OCA2: variants seen among roughly 807,000 people sequenced by gnomAD.
OCA2 encodes P protein.
A neutral mutation model predicts 100.2 loss-of-function variants in OCA2; 77 were observed. That is an observed-to-expected ratio of 0.77 (90% CI 0.64 to 0.93). The LOEUF is 0.93. Ranked by LOEUF, OCA2 falls within the 40% of genes least tolerant of loss-of-function variation. The pLI is 0.00. For missense variants in OCA2, 1,062 were observed against 1,089.1 expected (o/e 0.98, Z 0.35); for synonymous variants, 432 against 439.2 (o/e 0.98, Z 0.21).
At chr15:27,807,337 G>A (rs1186284050) in intron 23 of OCA2, among the ~76,000 whole-genome samples, 1 of 152,140 alleles carries the variant, frequency 6.6e-6, no homozygotes, top group Non-Finnish European at 1.5e-5. Context: ...GCAGCTGGGG[G>A]AGTCTTTGCT....
chr15:27,815,650 AT>A (rs1342345676), intron 23 of OCA2, among the ~76,000 whole-genome samples: 1 of 152,222 alleles, frequency 6.6e-6, no homozygotes, highest in Non-Finnish European at 1.5e-5. Flanking sequence ...CCACCAACAG[AT>A]CGCGTGAAAT....
At chr15:27,847,541 G>A (rs1306114330) in intron 22 of OCA2, among the ~76,000 whole-genome samples, 1 of 152,136 alleles carries the variant, frequency 6.6e-6, no homozygotes, top group Non-Finnish European at 1.5e-5. Context: ...TGGAGAGGAG[G>A]CCAAAGACAG....
At chr15:28,071,145 C>A in intron 2 of OCA2, among the ~76,000 whole-genome samples, 1 of 128,458 alleles carries the variant, frequency 7.8e-6, no homozygotes, top group African/African-American at 3.7e-5. Flanking sequence ...TGAGAAACAC[C>A]CAAGAATTAT....
intron 23 of OCA2, among the ~76,000 whole-genome samples, chr15:27,768,073 G>A (rs1214387445): frequency 6.6e-6 from 1 of 152,120 alleles, no homozygotes; most frequent in African/African-American, 2.4e-5. Context: ...AGGCAGACTT[G>A]CAGCTGTGAC....
chr15:27,961,153 C>A (rs2140755139), intron 15 of OCA2, among the ~76,000 whole-genome samples: 1 of 152,256 alleles, frequency 6.6e-6, no homozygotes, highest in East Asian at 1.9e-4. Context: ...TGAGCAGACA[C>A]TTCTCAAAAG....
intron 19 of OCA2, among the ~76,000 whole-genome samples, chr15:27,924,271 C>T (rs1184219401): frequency 3.9e-5 from 6 of 152,060 alleles, no homozygotes; most frequent in Non-Finnish European, 8.8e-5. Flanking sequence ...CTATGCAGTT[C>T]ATCTGTGTTT....
At chr15:27,719,346 G>A in the OCA2 span, among the ~76,000 whole-genome samples, 7 of 152,192 alleles carry the variant, frequency 4.6e-5, no homozygotes, top group South Asian at 2.1e-4. Context: ...GACACCAGTC[G>A]TATTTAATTA....
At chr15:27,813,308 C>G (rs2034153698) in intron 23 of OCA2, among the ~76,000 whole-genome samples, 1 of 152,098 alleles carries the variant, frequency 6.6e-6, no homozygotes, top group African/African-American at 2.4e-5. Context: ...CAGAGGGCCT[C>G]TCTCCCCTCC....
intron 2 of OCA2, among the ~76,000 whole-genome samples, chr15:28,071,599 C>T (rs1234954527): frequency 3.3e-5 from 5 of 152,146 alleles, no homozygotes; most frequent in African/African-American, 1.2e-4. Context: ...GAATAGAAAA[C>T]TCATAAATAA....
intron 23 of OCA2, among the ~76,000 whole-genome samples, chr15:27,790,159 T>C (rs919435308): frequency 1.3e-5 from 2 of 152,172 alleles, no homozygotes; most frequent in Non-Finnish European, 2.9e-5. Context: ...TAAATACATG[T>C]TCAACATCAT....
chr15:27,802,007 A>G (rs1386409275), intron 23 of OCA2, among the ~76,000 whole-genome samples: 1 of 152,310 alleles, frequency 6.6e-6, no homozygotes, highest in Admixed American at 6.5e-5. Flanking sequence ...AAGTAGTGAC[A>G]TATAGATTAG....
chr15:27,803,531 G>C (rs76163118), intron 23 of OCA2, among the ~76,000 whole-genome samples: 3,344 of 152,242 alleles, frequency 0.022, 107 homozygotes, highest in African/African-American at 0.075. Context: ...ATACCTAGTA[G>C]TCAAGTTCAT....
In OCA2 at chr15:27,910,361, T is replaced by G. The variant is rs958077403; in HGVS notation, c.2079+15766A>C. ...TAGAAATATACCCTGAAGGTACACC[T>G]CTAACAATACAAAAATATTCACCGT... On this transcript the variant is annotated intron_variant, in intron 19 of 23. Coordinates refer to ENST00000354638, the MANE Select transcript of OCA2 (RefSeq NM_000275.3). Among the ~76,000 whole-genome samples, 11 of 152,240 alleles carry G rather than the reference T, an allele frequency of 7.2e-5. No homozygotes were observed. In the South Asian group the frequency reaches 8.3e-4, roughly 11 times the overall value.
chr15:28,018,540 GGCT>G lies in OCA2; in HGVS notation c.661_663del (p.Ser221del), dbSNP rs1214229563. ...ACCTGCAGCAGCGTGGAGTCCACGTGGCTGCTAAGGTTCACGGCTCGGAGAGTG... is the reference window on the plus strand; with the variant it reads ...ACCTGCAGCAGCGTGGAGTCCACGTGGCTAAGGTTCACGGCTCGGAGAGTG... On this transcript the variant is annotated inframe_deletion, in exon 7 of 24. Coordinates refer to ENST00000354638, the MANE Select transcript of OCA2 (RefSeq NM_000275.3). 6.2e-7 allele frequency: 1 copy of G among 1,613,344 alleles called. No individual in the cohort carries two copies. Among genetic ancestry groups the G allele is most frequent in the African/African-American group, 1.3e-5 (1 of 74,900 alleles).
intron 9 of OCA2, among the ~76,000 whole-genome samples, chr15:27,991,527 A>C (rs188813653): frequency 1.3e-5 from 2 of 152,242 alleles, no homozygotes; most frequent in Non-Finnish European, 2.9e-5. Context: ...AAGTAAATTT[A>C]GAGAAACAGA....
chr15:27,998,302 G>A (rs1267613605), intron 9 of OCA2, among the ~76,000 whole-genome samples: 1 of 88,274 alleles, frequency 1.1e-5, no homozygotes, highest in Non-Finnish European at 3.8e-5. Context: ...CTACTCATCT[G>A]ACAAAGGGCT....
chr15:28,082,549 C>G (rs2044678886), intron 1 of OCA2, among the ~76,000 whole-genome samples: 2 of 152,180 alleles, frequency 1.3e-5, no homozygotes, highest in Non-Finnish European at 2.9e-5. Flanking sequence ...GTGTGCACAG[C>G]ATGAAATTCT....
downstream of OCA2, among the ~76,000 whole-genome samples, chr15:27,750,189 T>A (rs921243130): frequency 6.6e-6 from 1 of 152,210 alleles, no homozygotes; most frequent in Non-Finnish European, 1.5e-5. Context: ...ACCCATCATT[T>A]TCTCCAGGGC....
At chr15:27,750,635 C>T (rs2030035432), downstream of OCA2, among the ~76,000 whole-genome samples, 1 of 152,198 alleles carries the variant, frequency 6.6e-6, no homozygotes, top group African/African-American at 2.4e-5. Flanking sequence ...TCTCTGATAT[C>T]TGTCCTTTGG....
Sources: allele counts gnomAD v4.1 joint callset (sites outside exome capture counted in the v4.1 genomes callset), GRCh38; gene constraint gnomAD v4.1.1; transcripts MANE v1.5; gene names NCBI Gene and HGNC (gene_info 2026-07-23, HGNC 2026-07-21).